The following SOD2 variants were observed in gnomAD, a reference collection of about 807,000 sequenced individuals.
SOD2 encodes the protein superoxide dismutase [Mn], mitochondrial.
A neutral mutation model predicts 27.0 loss-of-function variants in SOD2; 11 were observed. The ratio of observed to expected loss-of-function variants is 0.41; its 90% CI spans 0.26 to 0.67. The LOEUF (loss-of-function observed/expected upper bound fraction) is 0.67. SOD2 is among the 30% of genes least tolerant of loss of function. The pLI is 0.34. For synonymous variants in SOD2, 105 were observed against 103.0 expected (o/e 1.02, Z -0.12); for missense variants, 250 against 274.5 (o/e 0.91, Z 0.63).
At chr6:159,694,832 G>A (rs1318818920), upstream of SOD2, among the ~76,000 whole-genome samples, 1 of 151,038 alleles carries the variant, frequency 6.6e-6, no homozygotes, top group Non-Finnish European at 1.5e-5. Context: ...TCGAACGCCT[G>A]ACCTCAAGTG....
intron 1 of SOD2, 112 bp downstream of exon 1, chr6:159,693,033 T>G: frequency 6.9e-7 from 1 of 1,448,050 alleles, no homozygotes; most frequent in Non-Finnish European, 9.1e-7. Context: ...CGCCTGCAGG[T>G]GCCCCGGTCC....
chr6:159,678,951 C>T lies in SOD2; in HGVS notation c.*3542G>A, dbSNP rs1779840384. 1 of 152,186 alleles carries T rather than the reference C, an allele frequency of 6.6e-6. No individual in the cohort carries two copies. Among genetic ancestry groups the T allele is most frequent in the South Asian group, 2.1e-4 (1 of 4,832 alleles). 9.4% of individuals were successfully genotyped at this position (152,186 alleles called of 1,614,324 possible). A position where few individuals can be genotyped will look rare whatever the true frequency, so the allele number is the denominator to read the frequency against. ...CCCTAATACTATGCTTTTAGGTTAT[C>T]AGATGATGTTATTACAGATATGACT... On this transcript the variant is annotated 3_prime_UTR_variant, in exon 5 of 5. Coordinates refer to ENST00000538183, the MANE Select transcript of SOD2 (RefSeq NM_000636.4).
intron 1 of SOD2, 104 bp from the exon 2 acceptor site, chr6:159,692,967 G>T: frequency 7.4e-7 from 1 of 1,352,460 alleles, no homozygotes; most frequent in Non-Finnish European, 9.7e-7. Flanking sequence ...GAGTCCCCGC[G>T]TCCCCTCCCT....
chr6:159,672,356 C>T lies in SOD2; in HGVS notation c.*10137G>A, dbSNP rs910661695. On this transcript the variant is annotated 3_prime_UTR_variant, in exon 5 of 5. Transcript: ENST00000538183. ...GCAGCCAGAGAGAAAGGTCGGGTTA[C>T]CCACAAAGGGAAGCCCATCAGACTA... 1 of 152,130 alleles carries T rather than the reference C, an allele frequency of 6.6e-6. No homozygotes were observed. Among genetic ancestry groups the T allele is most frequent in the African/African-American group, 2.4e-5 (1 of 41,416 alleles). 9.4% of individuals were successfully genotyped at this position (152,130 alleles called of 1,614,324 possible). A position where few individuals can be genotyped will look rare whatever the true frequency, so the allele number is the denominator to read the frequency against.
At position 159,672,535 on chromosome 6, in the gene SOD2, C is replaced by T. The variant is rs1351483438; in HGVS notation, c.*9958G>A. ...AGAAATAAAATCCTTTACAAACAAG[C>T]AAATGCTGAGAGATTTTGTCACCAC... On this transcript the variant is annotated 3_prime_UTR_variant, in exon 5 of 5. Transcript: ENST00000538183. 6.6e-6 allele frequency: 1 copy of T among 152,066 alleles called. No individual in the cohort carries two copies. The highest frequency in any genetic ancestry group is 1.5e-5 in the Non-Finnish European group (1 of 68,004). 9.4% of individuals were successfully genotyped at this position (152,066 alleles called of 1,614,324 possible).
At chr6:159,700,268 G>A (rs1049774372) in intron 1 of SOD2, among the ~76,000 whole-genome samples, 1 of 152,170 alleles carries the variant, frequency 6.6e-6, no homozygotes, top group Non-Finnish European at 1.5e-5. Flanking sequence ...AGAATTAATG[G>A]AAATTAGAGA....
At chr6:159,733,919 A>G (rs59296134) in intron 1 of SOD2, among the ~76,000 whole-genome samples, 5,212 of 151,786 alleles carry the variant, frequency 0.034, 135 homozygotes, top group South Asian at 0.067. Flanking sequence ...TCCATCTCCA[A>G]AAAAAAAGAT....
In SOD2 at chr6:159,676,436, T is replaced by C. The variant is rs1360016051; in HGVS notation, c.*6057A>G. 6.6e-6 allele frequency: 1 copy of C among 152,178 alleles called. No individual in the cohort carries two copies. Among genetic ancestry groups the C allele is most frequent in the Non-Finnish European group, 1.5e-5 (1 of 68,038 alleles). The allele number at this position is 152,178 out of a possible 1,614,324, so 9.4% of individuals were successfully genotyped here. A position where few individuals can be genotyped will look rare whatever the true frequency, so the allele number is the denominator to read the frequency against. ...GCAGCCATAAAAAAGGAAGAGTTCA[T>C]GTCCTTTATAGGGACATGGATGAAG... On this transcript the variant is annotated 3_prime_UTR_variant, in exon 5 of 5. Transcript: ENST00000538183.
chr6:159,761,481 G>T, exon 1 of SOD2: 1 of 454,770 alleles, frequency 2.2e-6, no homozygotes, highest in Non-Finnish European at 4.4e-6. Context: ...GACGCTCCTA[G>T]CAAGCCCCTC....
chr6:159,721,675 CTTTTTTTT>C (rs55950207), intron 1 of SOD2, among the ~76,000 whole-genome samples: 26 of 82,208 alleles, frequency 3.2e-4, no homozygotes, highest in African/African-American at 9.6e-4. Context: ...TGCGGCTGAC[CTTTTTTTT>C]TTTTTTTTTT....
chr6:159,726,320 T>A (rs1778168494), intron 1 of SOD2: 1 of 154,232 alleles, frequency 6.5e-6, no homozygotes, highest in African/African-American at 2.4e-5. Context: ...ACTTTTTGTT[T>A]TCAATTTTTG....
upstream of SOD2, among the ~76,000 whole-genome samples, chr6:159,728,936 T>G (rs576035902): frequency 6.6e-6 from 1 of 152,372 alleles, no homozygotes; most frequent in African/African-American, 2.4e-5. Flanking sequence ...AGGATAAAAG[T>G]AATAATAATA....
upstream of SOD2, chr6:159,727,608 G>T: frequency 1.0e-6 from 1 of 986,374 alleles, no homozygotes. Context: ...AGAGCTGTCC[G>T]GCTGCGCGGT....
At position 159,676,819 on chromosome 6, in the gene SOD2, A is replaced by C. The variant is rs1427468525; in HGVS notation, c.*5674T>G. 1 of 152,160 alleles carries C rather than the reference A, an allele frequency of 6.6e-6. No individual in the cohort carries two copies. The highest frequency in any genetic ancestry group is 2.4e-5 in the African/African-American group (1 of 41,432). The allele number at this position is 152,160 out of a possible 1,614,324, so 9.4% of individuals were successfully genotyped here. A position where few individuals can be genotyped will look rare whatever the true frequency, so the allele number is the denominator to read the frequency against. ...TCCTCTTTCACAGCAAAGGAGCAGG[A>C]CTAAAACCAGGCATCTTGACCAATA... is the stretch of plus-strand genomic sequence containing the variant. On this transcript the variant is annotated 3_prime_UTR_variant, in exon 5 of 5. Transcript: ENST00000538183.
intron 1 of SOD2, chr6:159,741,849 G>A (rs900025386): frequency 1.5e-5 from 5 of 342,092 alleles, no homozygotes; most frequent in Non-Finnish European, 2.1e-5. Context: ...TGTGCCTTTG[G>A]TCCCAGCTAT....
chr6:159,721,919 G>C (rs753477669), intron 1 of SOD2, among the ~76,000 whole-genome samples: 3 of 152,038 alleles, frequency 2.0e-5, no homozygotes, highest in Non-Finnish European at 2.9e-5. Flanking sequence ...GAAGTCCATT[G>C]ATAGTCCTTG....
intron 1 of SOD2, chr6:159,753,413 A>G: frequency 6.2e-7 from 1 of 1,613,034 alleles, no homozygotes; most frequent in Non-Finnish European, 8.5e-7. Context: ...AAGCAAAGAC[A>G]GAGAGTTTTG....
intron 2 of SOD2, among the ~76,000 whole-genome samples, chr6:159,690,337 C>T (rs1780398713): frequency 6.6e-6 from 1 of 151,494 alleles, no homozygotes; most frequent in Non-Finnish European, 1.5e-5. Flanking sequence ...TGGCTCACAC[C>T]TGTAATCCCA....
intron 1 of SOD2, among the ~76,000 whole-genome samples, chr6:159,720,072 C>T (rs1456560820): frequency 6.6e-6 from 1 of 150,642 alleles, no homozygotes; most frequent in Non-Finnish European, 1.5e-5. Flanking sequence ...ACTCCGTCTC[C>T]CAGGCTGGAG....
Sources: gnomAD v4.1 joint callset for allele counts (sites outside exome capture counted in the v4.1 genomes callset) on GRCh38, gnomAD v4.1.1 for gene constraint, MANE v1.5 for transcripts, NCBI Gene and HGNC (gene_info 2026-07-23, HGNC 2026-07-21) for gene names.